RNF24: variants seen among roughly 807,000 people sequenced by gnomAD.
RNF24 encodes ring finger protein 24.
A neutral mutation model predicts 20.0 loss-of-function variants in RNF24; 14 were observed. That is an observed-to-expected ratio of 0.70 (90% CI 0.46 to 1.10). The LOEUF (loss-of-function observed/expected upper bound fraction) is 1.10, where lower values mean the gene tolerates loss of function less well. RNF24 is among the 50% of genes least tolerant of loss of function. RNF24 has a pLI of 0.00. For synonymous variants in RNF24, 45 were observed against 61.1 expected (o/e 0.74, Z 1.23); for missense variants, 124 against 177.6 (o/e 0.70, Z 1.71).
chr20:3,941,458 T>A (rs1033412205), intron 4 of RNF24, among the ~76,000 whole-genome samples: 3 of 151,988 alleles, frequency 2.0e-5, no homozygotes, highest in African/African-American at 7.3e-5. Flanking sequence ...TATTTGGTAA[T>A]CCCTAGAGCA....
intron 4 of RNF24, among the ~76,000 whole-genome samples, chr20:3,942,618 A>G (rs2090970174): frequency 6.6e-6 from 1 of 151,676 alleles, no homozygotes; most frequent in Non-Finnish European, 1.5e-5. Context: ...GACTACAGGC[A>G]CCCACCACCA....
intron 1 of RNF24, among the ~76,000 whole-genome samples, chr20:3,994,648 A>G (rs1388043548): frequency 6.6e-6 from 1 of 152,194 alleles, no homozygotes; most frequent in African/African-American, 2.4e-5. Flanking sequence ...CCCCTGGGAA[A>G]GGTGACGAGT....
At chr20:4,010,680 T>C (rs1299440422) in intron 1 of RNF24, among the ~76,000 whole-genome samples, 1 of 152,240 alleles carries the variant, frequency 6.6e-6, no homozygotes, top group Admixed American at 6.5e-5. Flanking sequence ...ATTTTCATTG[T>C]TGATTTCATT....
chr20:3,964,672 G>A (rs950515553), intron 1 of RNF24, among the ~76,000 whole-genome samples: 1 of 152,022 alleles, frequency 6.6e-6, no homozygotes, highest in Non-Finnish European at 1.5e-5. Flanking sequence ...ACAGGCGCGT[G>A]CCACCACACC....
At chr20:3,966,067 G>T (rs1207267700) in intron 1 of RNF24, among the ~76,000 whole-genome samples, 2 of 148,584 alleles carry the variant, frequency 1.3e-5, no homozygotes, top group Non-Finnish European at 3.0e-5. Context: ...CAGGGAGGTG[G>T]TTGGTTGCAG....
intron 2 of RNF24, among the ~76,000 whole-genome samples, chr20:3,963,626 T>C (rs957735479): frequency 6.6e-6 from 1 of 152,210 alleles, no homozygotes; most frequent in Admixed American, 6.5e-5. Context: ...GTTTACCAGG[T>C]AGAAGGGCAG....
At chr20:3,944,756 C>T (rs2090997446) in intron 4 of RNF24, among the ~76,000 whole-genome samples, 2 of 152,232 alleles carry the variant, frequency 1.3e-5, no homozygotes, top group Non-Finnish European at 2.9e-5. Flanking sequence ...TGTTCTTCCC[C>T]TGTTCCGTAT....
chr20:3,932,501 C>T lies in RNF24; in HGVS notation c.*1562G>A, dbSNP rs2090836634. 1 of 161,640 alleles carries T rather than the reference C, an allele frequency of 6.2e-6. No individual in the cohort carries two copies. Among genetic ancestry groups the T allele is most frequent in the African/African-American group, 2.4e-5 (1 of 41,884 alleles). The allele number at this position is 161,640 out of a possible 1,614,324, so 10.0% of individuals were successfully genotyped here. On this transcript the variant is annotated 3_prime_UTR_variant, in exon 6 of 6. Transcript: ENST00000358395. ...GTTCTACACTAATGGAAATTTTCCT[C>T]CTCATGCCCAGCCATCTGAACCAAG...
At position 3,965,076 on chromosome 20, in the gene RNF24, G is replaced by A. The variant is rs75091826; in HGVS notation, c.-7-1052C>T. On this transcript the variant is annotated intron_variant, in intron 1 of 5. Coordinates refer to ENST00000358395, the MANE Select transcript of RNF24 (RefSeq NM_001134337.3). ...TGATTACTACAGTTAAAATTCCACA[G>A]ATAAAGGATGCCTCTCCTGTAAGTG... 1.8e-3 allele frequency among the ~76,000 whole-genome samples: 276 copies of A among 152,250 alleles called. 2 individuals carry two copies. The highest frequency in any genetic ancestry group is 6.4e-3 in the African/African-American group (265 of 41,528).
At chr20:3,966,389 G>A (rs750849580) in intron 1 of RNF24, among the ~76,000 whole-genome samples, 3 of 150,930 alleles carry the variant, frequency 2.0e-5, no homozygotes, top group African/African-American at 4.9e-5. Flanking sequence ...ACAACTTTAA[G>A]GAATTCCTGA....
rs2090825494 is a variant in RNF24, at chr20:3,931,720, C to T, written c.*2343G>A. On this transcript the variant is annotated 3_prime_UTR_variant, in exon 6 of 6. Transcript: ENST00000358395. The stretch of plus-strand genomic sequence containing the variant: ...ATGAATGCATTTTAAAACCAGTCCA[C>T]ATTCACATGTGCTGAGAAGGTTGTT... 6.6e-6 allele frequency: 1 copy of T among 152,238 alleles called. No individual in the cohort carries two copies. Among genetic ancestry groups the T allele is most frequent in the South Asian group, 2.1e-4 (1 of 4,836 alleles). The allele number at this position is 152,238 out of a possible 1,614,324, so 9.4% of individuals were successfully genotyped here.
chr20:4,009,231 T>C (rs1393346793), intron 1 of RNF24, among the ~76,000 whole-genome samples: 1 of 152,174 alleles, frequency 6.6e-6, no homozygotes, highest in East Asian at 1.9e-4. Context: ...GCACGTAAAC[T>C]TCTCTTTTGA....
chr20:3,941,172 G>C (rs2090951024), intron 4 of RNF24, among the ~76,000 whole-genome samples: 1 of 152,110 alleles, frequency 6.6e-6, no homozygotes, highest in Non-Finnish European at 1.5e-5. Flanking sequence ...GGGACTACAG[G>C]TATGTGCTAC....
Position 3,933,984 on chromosome 20 carries a change from A to G in RNF24, c.*79T>C, listed in dbSNP as rs1166028936. On this transcript the variant is annotated 3_prime_UTR_variant, in exon 6 of 6. Transcript: ENST00000358395. The stretch of plus-strand genomic sequence containing the variant: ...GCAGCTGGTGTCCTAGGTAGAGAGC[A>G]GCCATACAGACACCACATGTGTTCC... 23 of 1,299,954 alleles carry G rather than the reference A, an allele frequency of 1.8e-5. No homozygotes were observed. Among genetic ancestry groups the G allele is most frequent in the Non-Finnish European group, 2.2e-5 (22 of 994,496 alleles). 80.5% of individuals were successfully genotyped at this position (1,299,954 alleles called of 1,614,324 possible).
intron 1 of RNF24, among the ~76,000 whole-genome samples, chr20:4,009,117 C>A (rs1281766019): frequency 6.6e-6 from 1 of 152,104 alleles, no homozygotes; most frequent in Non-Finnish European, 1.5e-5. Context: ...CAGATGAGGT[C>A]CTTGCCTTCC....
At chr20:3,982,028 G>A (rs138760344) in intron 1 of RNF24, among the ~76,000 whole-genome samples, 1 of 151,542 alleles carries the variant, frequency 6.6e-6, no homozygotes, top group East Asian at 2.0e-4. Context: ...TGAGGTGGGA[G>A]GATCACCTGA....
chr20:3,967,018 T>C (rs2091266141), intron 1 of RNF24, among the ~76,000 whole-genome samples: 1 of 151,670 alleles, frequency 6.6e-6, no homozygotes, highest in South Asian at 2.1e-4. Context: ...TTTTCTCTCT[T>C]TGTTTTAGTA....
intron 2 of RNF24, among the ~76,000 whole-genome samples, chr20:3,959,253 G>C (rs1203623919): frequency 6.6e-6 from 1 of 152,074 alleles, no homozygotes; most frequent in Non-Finnish European, 1.5e-5. Flanking sequence ...TCTCGGAAGG[G>C]ATTGCTATCT....
chr20:4,009,143 A>G (rs752134444), intron 1 of RNF24, among the ~76,000 whole-genome samples: 1 of 152,150 alleles, frequency 6.6e-6, no homozygotes, highest in African/African-American at 2.4e-5. Context: ...CTGACCTTCT[A>G]TTAGGGGTAA....
Sources: allele counts gnomAD v4.1 joint callset (sites outside exome capture counted in the v4.1 genomes callset), GRCh38; gene constraint gnomAD v4.1.1; transcripts MANE v1.5; gene names NCBI Gene and HGNC (gene_info 2026-07-23, HGNC 2026-07-21).